The following NKAIN2 variants were observed in gnomAD, a reference collection of about 807,000 sequenced individuals.
NKAIN2 encodes the protein sodium/potassium-transporting ATPase subunit beta-1-interacting protein 2.
A neutral mutation model predicts 32.6 loss-of-function variants in NKAIN2; 14 were observed. The ratio of observed to expected loss-of-function variants is 0.43; its 90% confidence interval spans 0.28 to 0.67. The LOEUF (loss-of-function observed/expected upper bound fraction) is 0.67, where lower values mean the gene tolerates loss of function less well. Ranked by LOEUF, NKAIN2 falls within the 30% of genes least tolerant of loss-of-function variation. The probability of loss-of-function intolerance (pLI) is 0.17; values close to 1 mark genes in which losing one functional copy is unlikely to be tolerated. For synonymous variants in NKAIN2, 80 were observed against 87.2 expected (o/e 0.92, Z 0.46); for missense variants, 198 against 258.3 (o/e 0.77, Z 1.60).
chr6:124,783,536 C>T (rs1438775727), intron 4 of NKAIN2, among the ~76,000 whole-genome samples: 1 of 152,136 alleles, frequency 6.6e-6, no homozygotes, highest in Non-Finnish European at 1.5e-5. Flanking sequence ...TGGAGGCAAT[C>T]CTCCATGTGT....
At chr6:123,933,131 C>T (rs751263571) in intron 1 of NKAIN2, among the ~76,000 whole-genome samples, 1 of 152,258 alleles carries the variant, frequency 6.6e-6, no homozygotes, top group East Asian at 1.9e-4. Flanking sequence ...AAATATGGGA[C>T]CCCTTGTTCA....
At chr6:124,683,367 C>T (rs1542560) in intron 4 of NKAIN2, among the ~76,000 whole-genome samples, 98,695 of 151,972 alleles carry the variant, frequency 0.65, 32,663 homozygotes, top group African/African-American at 0.77. Context: ...CAAACGTCTA[C>T]GTTTATCTAA....
chr6:124,159,158 A>G (rs1163276561), intron 1 of NKAIN2, among the ~76,000 whole-genome samples: 4 of 152,184 alleles, frequency 2.6e-5, no homozygotes, highest in Non-Finnish European at 5.9e-5. Context: ...TCAACCTTAC[A>G]ATAATATGAA....
intron 3 of NKAIN2, among the ~76,000 whole-genome samples, chr6:124,597,777 G>C (rs1562276604): frequency 1.3e-5 from 2 of 152,088 alleles, no homozygotes; most frequent in Non-Finnish European, 2.9e-5. Flanking sequence ...AATGGTTTCA[G>C]CTTGTAAAAA....
chr6:124,302,569 T>C (rs1263338850), intron 2 of NKAIN2, among the ~76,000 whole-genome samples: 1 of 152,200 alleles, frequency 6.6e-6, no homozygotes, highest in East Asian at 1.9e-4. Context: ...AGCTATCCTA[T>C]CTTTGATTTT....
At chr6:124,760,443 C>T (rs1778209027) in intron 4 of NKAIN2, among the ~76,000 whole-genome samples, 1 of 145,968 alleles carries the variant, frequency 6.9e-6, no homozygotes, top group African/African-American at 2.5e-5. Flanking sequence ...GGCATCTCCT[C>T]TTGAGCCAGA....
intron 3 of NKAIN2, among the ~76,000 whole-genome samples, chr6:124,493,717 CAAAAAAAAAAAA>C (rs71021496): frequency 1.2e-5 from 1 of 85,824 alleles, no homozygotes; most frequent in Non-Finnish European, 2.1e-5. Flanking sequence ...CCCCCCCCTC[CAAAAAAAAAAAA>C]AAAAAAAAAA....
intron 4 of NKAIN2, among the ~76,000 whole-genome samples, chr6:124,681,778 G>A (rs550159075): frequency 7.9e-5 from 12 of 152,086 alleles, no homozygotes; most frequent in Non-Finnish European, 1.6e-4. Context: ...TGGCTTCTAT[G>A]TGAGAAAATC....
intron 1 of NKAIN2, among the ~76,000 whole-genome samples, chr6:124,051,797 G>A (rs575804807): frequency 1.3e-5 from 2 of 152,108 alleles, no homozygotes; most frequent in Admixed American, 1.3e-4. Context: ...CTCTCTAGAA[G>A]CATTGGGTTA....
At chr6:124,449,909 C>T (rs767906985) in intron 3 of NKAIN2, among the ~76,000 whole-genome samples, 1 of 152,076 alleles carries the variant, frequency 6.6e-6, no homozygotes, top group African/African-American at 2.4e-5. Context: ...ACAGCTGTGA[C>T]TTTTCGGTTA....
chr6:124,675,232 G>T (rs1773297100), intron 4 of NKAIN2, among the ~76,000 whole-genome samples: 1 of 151,910 alleles, frequency 6.6e-6, no homozygotes, highest in Non-Finnish European at 1.5e-5. Context: ...TATAGCCTAT[G>T]GTCCTGTTAA....
intron 3 of NKAIN2, among the ~76,000 whole-genome samples, chr6:124,654,235 C>T (rs1279525711): frequency 1.3e-5 from 2 of 151,664 alleles, no homozygotes; most frequent in Non-Finnish European, 2.9e-5. Flanking sequence ...TGGAAAGAAC[C>T]GTGGACAAGA....
intron 1 of NKAIN2, among the ~76,000 whole-genome samples, chr6:124,093,967 T>C (rs1784542005): frequency 6.6e-6 from 1 of 152,194 alleles, no homozygotes; most frequent in Non-Finnish European, 1.5e-5. Flanking sequence ...TTTAAGGGCC[T>C]GATTTTAACT....
At chr6:124,569,480 C>CAG (rs1378696734) in intron 3 of NKAIN2, among the ~76,000 whole-genome samples, 15 of 152,260 alleles carry the variant, frequency 9.9e-5, no homozygotes, top group African/African-American at 3.4e-4. Context: ...AATTGTATCT[C>CAG]CCAGAATTCC....
intron 3 of NKAIN2, among the ~76,000 whole-genome samples, chr6:124,519,715 C>T (rs1779051290): frequency 6.6e-6 from 1 of 152,024 alleles, no homozygotes; most frequent in Admixed American, 6.6e-5. Context: ...TCCATATTCA[C>T]AAATGGAATG....
intron 3 of NKAIN2, among the ~76,000 whole-genome samples, chr6:124,610,911 T>G (rs1479051): frequency 0.066 from 10,084 of 152,224 alleles, 754 homozygotes; most frequent in East Asian, 0.44. Context: ...CAAGTTCTAT[T>G]GTAACCTTAT....
At chr6:124,344,826 C>A (rs1303639379) in intron 2 of NKAIN2, among the ~76,000 whole-genome samples, 1 of 152,148 alleles carries the variant, frequency 6.6e-6, no homozygotes, top group African/African-American at 2.4e-5. Context: ...CCCTTTATTT[C>A]CTTCTACTGC....
chr6:123,930,998 T>G (rs888267239), intron 1 of NKAIN2, among the ~76,000 whole-genome samples: 4 of 152,114 alleles, frequency 2.6e-5, no homozygotes, highest in Non-Finnish European at 5.9e-5. Context: ...AATAACTAAC[T>G]GTGTTTTGCC....
chr6:124,541,335 G>A (rs1271629791), intron 3 of NKAIN2, among the ~76,000 whole-genome samples: 2 of 152,160 alleles, frequency 1.3e-5, no homozygotes, highest in Admixed American at 6.5e-5. Context: ...AAAATAGCAT[G>A]AGCAGCTAAC....
Sources: allele counts gnomAD v4.1 joint callset (sites outside exome capture counted in the v4.1 genomes callset), GRCh38; gene constraint gnomAD v4.1.1; transcripts MANE v1.5; gene names NCBI Gene and HGNC (gene_info 2026-07-23, HGNC 2026-07-21).